The following ADGRB3 variants were observed in gnomAD, a reference collection of about 807,000 sequenced individuals.
ADGRB3 encodes adhesion G protein-coupled receptor B3.
ADGRB3 carries 37 observed loss-of-function variants against 193.4 expected under a neutral mutation model. That is an observed-to-expected ratio of 0.19 (90% CI 0.15 to 0.25). ADGRB3 has a LOEUF of 0.25. Among genes scored for constraint, ADGRB3 ranks in the 10% least tolerant of loss-of-function variants. ADGRB3 has a pLI of 1.00. For synonymous variants in ADGRB3, 690 were observed against 644.2 expected (o/e 1.07, Z -1.08); for missense variants, 1,637 against 1,852.9 (o/e 0.88, Z 2.14).
chr6:69,040,899 G>T (rs1771047358), intron 13 of ADGRB3, among the ~76,000 whole-genome samples: 1 of 152,060 alleles, frequency 6.6e-6, no homozygotes, highest in Non-Finnish European at 1.5e-5. Flanking sequence ...CTTTTAGTCT[G>T]TGTACTTTTG....
At chr6:69,180,456 A>G (rs1775549120) in intron 17 of ADGRB3, among the ~76,000 whole-genome samples, 1 of 152,140 alleles carries the variant, frequency 6.6e-6, no homozygotes, top group Admixed American at 6.5e-5. Flanking sequence ...TCTTCACTGT[A>G]CAACAATCTG....
chr6:68,785,225 A>T (rs1766939817), intron 3 of ADGRB3, among the ~76,000 whole-genome samples: 1 of 152,036 alleles, frequency 6.6e-6, no homozygotes, highest in African/African-American at 2.4e-5. Flanking sequence ...TTACATATGT[A>T]TGCATGGGCC....
At chr6:69,318,003 T>C (rs1041175143) in intron 20 of ADGRB3, among the ~76,000 whole-genome samples, 2 of 151,480 alleles carry the variant, frequency 1.3e-5, no homozygotes, top group Non-Finnish European at 3.0e-5. Flanking sequence ...AGTTTAAAAA[T>C]TGATTATTTT....
At chr6:68,659,317 C>T (rs1024222659) in intron 3 of ADGRB3, among the ~76,000 whole-genome samples, 3 of 148,276 alleles carry the variant, frequency 2.0e-5, no homozygotes, top group Admixed American at 6.7e-5. Flanking sequence ...AAAACAGCTA[C>T]TTCATTTTTT....
intron 3 of ADGRB3, among the ~76,000 whole-genome samples, chr6:68,720,782 T>A (rs1765561720): frequency 6.6e-6 from 1 of 151,750 alleles, no homozygotes; most frequent in Non-Finnish European, 1.5e-5. Context: ...CTCGCCTGAC[T>A]TCTCCATGCT....
chr6:69,207,237 A>G (rs1765558166), intron 17 of ADGRB3, among the ~76,000 whole-genome samples: 1 of 152,194 alleles, frequency 6.6e-6, no homozygotes, highest in Non-Finnish European at 1.5e-5. Flanking sequence ...AGGAATGGGA[A>G]GCAAAAAAAT....
At chr6:68,759,455 T>G (rs1344514390) in intron 3 of ADGRB3, among the ~76,000 whole-genome samples, 1 of 152,136 alleles carries the variant, frequency 6.6e-6, no homozygotes, top group Non-Finnish European at 1.5e-5. Flanking sequence ...TTCTCACTAA[T>G]TATATCTGTT....
chr6:69,040,705 A>AAAAAAAAAAAAAAAAAAAAT (rs1771036973), intron 13 of ADGRB3, among the ~76,000 whole-genome samples: 1 of 103,970 alleles, frequency 9.6e-6, no homozygotes, highest in Non-Finnish European at 2.1e-5. Flanking sequence ...AAAAAAAAAA[A>AAAAAAAAAAAAAAAAAAAAT]AAAACAAACA....
At chr6:69,014,853 A>C (rs948511048) in intron 12 of ADGRB3, among the ~76,000 whole-genome samples, 16 of 151,942 alleles carry the variant, frequency 1.1e-4, no homozygotes, top group Non-Finnish European at 2.1e-4. Context: ...TGAAAAAAAA[A>C]GAATGAACAT....
At chr6:69,203,849 T>C (rs1765483937) in intron 17 of ADGRB3, among the ~76,000 whole-genome samples, 1 of 152,202 alleles carries the variant, frequency 6.6e-6, no homozygotes, top group Non-Finnish European at 1.5e-5. Context: ...TGAGTAAATC[T>C]AGTGATCCTT....
intron 24 of ADGRB3, among the ~76,000 whole-genome samples, chr6:69,337,597 A>C (rs1456189263): frequency 3.3e-5 from 5 of 152,160 alleles, no homozygotes; most frequent in Non-Finnish European, 7.4e-5. Flanking sequence ...TTATTTTGAA[A>C]CATTTGGACA....
chr6:69,277,206 G>T lies in ADGRB3; in HGVS notation c.2814+37980G>T, dbSNP rs188430988. Among the ~76,000 whole-genome samples the T allele has an allele frequency of 4.8e-3, 732 of 152,058 alleles. 9 individuals are homozygous for T. The highest frequency in any genetic ancestry group is 0.017 in the African/African-American group (699 of 41,502). On this transcript the variant is annotated intron_variant, in intron 20 of 31. Transcript: ENST00000370598. Reference sequence around the variant, plus strand: ...GACGGAGTTTCAACATGTTGGTCAGGCTGGTCTTGAACTCCTGACCTTGTG... The same window carrying T: ...GACGGAGTTTCAACATGTTGGTCAGTCTGGTCTTGAACTCCTGACCTTGTG...
intron 15 of ADGRB3, among the ~76,000 whole-genome samples, chr6:69,058,904 A>G (rs1771629066): frequency 6.6e-6 from 1 of 152,106 alleles, no homozygotes; most frequent in Non-Finnish European, 1.5e-5. Context: ...GCCCTTGAGA[A>G]GAATGTGTAT....
intron 17 of ADGRB3, 121 bp from the exon 18 acceptor site, chr6:69,233,169 T>TC: frequency 7.4e-7 from 1 of 1,343,568 alleles, no homozygotes; most frequent in Non-Finnish European, 1.0e-6. Context: ...AAGTAGATTT[T>TC]TTTTTCCTGT....
In ADGRB3 at chr6:68,930,549, C is replaced by T. The variant is rs1332607400; in HGVS notation, c.758-10C>T. On this transcript the variant is annotated splice_polypyrimidine_tract_variant and intron_variant, in intron 3 of 31. Coordinates refer to ENST00000370598, the MANE Select transcript of ADGRB3 (RefSeq NM_001704.3). ...ACACAAGCTTTCATATACCTTTATT[C>T]TGTCTTTAGAATTTGGAATGATGGG... 6.3e-7 allele frequency: 1 copy of T among 1,588,708 alleles called. No homozygotes were observed. Among genetic ancestry groups the T allele is most frequent in the East Asian group, 2.2e-5 (1 of 44,558 alleles).
At chr6:68,932,284 G>A (rs575059429) in intron 4 of ADGRB3, among the ~76,000 whole-genome samples, 1 of 152,130 alleles carries the variant, frequency 6.6e-6, no homozygotes, top group African/African-American at 2.4e-5. Flanking sequence ...ATTTCCAATA[G>A]CGTAACATGA....
intron 16 of ADGRB3, among the ~76,000 whole-genome samples, chr6:69,069,571 A>AAAAAAAAAAAAAAAAT: frequency 7.1e-6 from 1 of 141,840 alleles, no homozygotes; most frequent in Admixed American, 7.2e-5. Context: ...AAAAAAAAAA[A>AAAAAAAAAAAAAAAAT]AAAAAAAAAA....
chr6:68,787,955 G>T (rs889135977), intron 3 of ADGRB3, among the ~76,000 whole-genome samples: 1 of 152,134 alleles, frequency 6.6e-6, no homozygotes, highest in Non-Finnish European at 1.5e-5. Flanking sequence ...GGTGTTTATA[G>T]TATTCTCTGA....
chr6:69,343,185 CT>C lies in ADGRB3; in HGVS notation c.3459+3692del, dbSNP rs766250959. On this transcript the variant is annotated intron_variant, in intron 26 of 31. Coordinates refer to ENST00000370598, the MANE Select transcript of ADGRB3 (RefSeq NM_001704.3). ...ATTTTTTTTTCCTGCCTTTGTAATT[CT>C]TTTTTTTTTTATTATACTTTAAGTT... Among the ~76,000 whole-genome samples the C allele has an allele frequency of 7.0e-3, 929 of 133,634 alleles. 8 individuals carry two copies. The highest frequency in any genetic ancestry group is 0.045 in the East Asian group (206 of 4,612). The allele number at this position is 133,634 out of a possible 152,430, so 87.7% of individuals were successfully genotyped here.
Sources: allele counts gnomAD v4.1 joint callset (sites outside exome capture counted in the v4.1 genomes callset), GRCh38; gene constraint gnomAD v4.1.1; transcripts MANE v1.5; gene names NCBI Gene and HGNC (gene_info 2026-07-23, HGNC 2026-07-21).